LUC7L2: variants seen among roughly 807,000 people sequenced by gnomAD.
LUC7L2 encodes putative RNA-binding protein Luc7-like 2.
Under a neutral mutation model 52.8 loss-of-function variants are expected in LUC7L2, and 25 were observed. The observed-to-expected ratio is 0.47, with a 90% confidence interval of 0.34 to 0.66. The LOEUF (loss-of-function observed/expected upper bound fraction) is 0.66, where lower values mean the gene tolerates loss of function less well. LUC7L2 is among the 30% of genes least tolerant of loss of function. The pLI is 0.01. For synonymous variants in LUC7L2, 144 were observed against 160.9 expected (o/e 0.89, Z 0.80); for missense variants, 328 against 497.8 (o/e 0.66, Z 3.25).
intron 1 of LUC7L2, among the ~76,000 whole-genome samples, chr7:139,363,768 CTGTG>C (rs751116076): frequency 6.6e-6 from 1 of 152,060 alleles, no homozygotes; most frequent in Non-Finnish European, 1.5e-5. Flanking sequence ...TGAGAATTGT[CTGTG>C]TGACAGTTGG....
At chr7:139,364,347 C>T (rs1186840423) in intron 1 of LUC7L2, among the ~76,000 whole-genome samples, 3 of 151,910 alleles carry the variant, frequency 2.0e-5, no homozygotes, top group East Asian at 1.9e-4. Context: ...AGACCACCTT[C>T]GAAAGATTAA....
chr7:139,416,936 A>G (rs1795649271), intron 8 of LUC7L2: 1 of 152,376 alleles, frequency 6.6e-6, no homozygotes, highest in Non-Finnish European at 1.5e-5. Context: ...TCTAGATAAT[A>G]TAGCCCCTGG....
At chr7:139,371,387 C>A in intron 1 of LUC7L2, 1 of 1,015,168 alleles carries the variant, frequency 9.9e-7, no homozygotes, top group Non-Finnish European at 1.5e-6. Context: ...TTTTGCTTAG[C>A]CTTCACAGTT....
chr7:139,351,116 C>G (rs906225384), intron 1 of LUC7L2, among the ~76,000 whole-genome samples: 1 of 152,220 alleles, frequency 6.6e-6, no homozygotes, highest in African/African-American at 2.4e-5. Context: ...ATCACCTCCA[C>G]TTTCATGACT....
chr7:139,409,950 G>A (rs1795283481), intron 7 of LUC7L2, among the ~76,000 whole-genome samples: 1 of 152,212 alleles, frequency 6.6e-6, no homozygotes, highest in Admixed American at 6.5e-5. Flanking sequence ...GCTCACGCCT[G>A]TAATTCCAGC....
chr7:139,380,857 C>T (rs1800978303), intron 2 of LUC7L2, among the ~76,000 whole-genome samples: 1 of 152,104 alleles, frequency 6.6e-6, no homozygotes, highest in Non-Finnish European at 1.5e-5. Context: ...AAAATATTTC[C>T]ATCTAGTTCC....
In LUC7L2 at chr7:139,417,620, G is replaced by A; in HGVS notation, c.892G>A (p.Glu298Lys). 2 of 1,614,144 alleles carry A rather than the reference G, an allele frequency of 1.2e-6. No homozygotes were observed. Among genetic ancestry groups the A allele is most frequent in the South Asian group, 2.2e-5 (2 of 91,084 alleles). Reference protein sequence around the residue: ...RKRRTRSKSREKRHRHRSRSS... With the variant: ...RKRRTRSKSRKKRHRHRSRSS... Reference sequence around the variant, plus strand: ...GAGGAGAACTCGATCCAAATCTCGGGAGAAACGCCATCGCCACAGGTCCCG... The same window carrying A: ...GAGGAGAACTCGATCCAAATCTCGGAAGAAACGCCATCGCCACAGGTCCCG... The change falls in exon 9 of 10, where the codon GAG becomes AAG. Residue 298 changes from glutamate (E) to lysine (K), a missense_variant. Around this residue, in one of 2 missense-constraint regions of LUC7L2, gnomAD observed 195 missense variants for 223.3 expected, o/e 0.87. Coordinates refer to ENST00000354926, the MANE Select transcript of LUC7L2 (RefSeq NM_016019.5).
chr7:139,359,667 G>C (rs971858551), upstream of LUC7L2: 1 of 397,742 alleles, frequency 2.5e-6, no homozygotes, highest in African/African-American at 2.1e-5. Context: ...ACAGCCGGGA[G>C]GGAATGTAAT....
chr7:139,406,402 G>A (rs983691272), intron 5 of LUC7L2, among the ~76,000 whole-genome samples: 6 of 150,030 alleles, frequency 4.0e-5, no homozygotes, highest in African/African-American at 1.5e-4. Context: ...TCCAAGGCTG[G>A]AGTGTAGTGG....
intron 1 of LUC7L2, among the ~76,000 whole-genome samples, chr7:139,363,976 C>CTTTTTTTTTTTTTTTTTTTTTTTTTT (rs1169793101): frequency 3.1e-5 from 3 of 96,080 alleles, no homozygotes; most frequent in Admixed American, 1.1e-4. Flanking sequence ...AGATTACATC[C>CTTTTTTTTTTTTTTTTTTTTTTTTTT]TTTTTTTTTT....
chr7:139,407,196 C>A lies in LUC7L2; in HGVS notation c.533C>A (p.Pro178Gln). Reference protein sequence around the residue: ...EAEEVYRNSMPASSFQQQKLR... With the variant: ...EAEEVYRNSMQASSFQQQKLR... ...TAGGAAGTTTATCGGAATTCTATGC[C>A]AGCTTCCAGTTTTCAGCAGCAGAAA... is the stretch of plus-strand genomic sequence containing the variant. The change falls in exon 6 of 10, where the codon CCA (proline) becomes CAA (glutamine). Residue 178 changes from proline (P) to glutamine (Q), a missense_variant. Around this residue, in one of 2 missense-constraint regions of LUC7L2, gnomAD observed 133 missense variants for 274.4 expected, o/e 0.48. Transcript: ENST00000354926. 6.2e-7 allele frequency: 1 copy of A among 1,608,438 alleles called. No individual in the cohort carries two copies.
intron 7 of LUC7L2, among the ~76,000 whole-genome samples, chr7:139,411,176 A>G (rs1795345040): frequency 6.6e-6 from 1 of 152,238 alleles, no homozygotes; most frequent in Non-Finnish European, 1.5e-5. Flanking sequence ...ATGAAAAAGT[A>G]TATCACATCT....
chr7:139,400,433 C>T (rs754454890), intron 3 of LUC7L2, among the ~76,000 whole-genome samples: 3 of 152,116 alleles, frequency 2.0e-5, no homozygotes, highest in African/African-American at 4.8e-5. Context: ...CACTTGAACC[C>T]GGGAGTCAGG....
intron 1 of LUC7L2, chr7:139,374,284 T>C: frequency 1.3e-6 from 1 of 765,254 alleles, no homozygotes; most frequent in Non-Finnish European, 2.1e-6. Flanking sequence ...TTCACTTTTG[T>C]TTTTATATAA....
At chr7:139,366,231 A>G in intron 1 of LUC7L2, among the ~76,000 whole-genome samples, 1 of 152,244 alleles carries the variant, frequency 6.6e-6, no homozygotes. Flanking sequence ...TGAACCATGT[A>G]CAACTGATGT....
At chr7:139,405,515 G>GCT in intron 4 of LUC7L2, 129 bp from the exon 5 acceptor site, 1 of 1,192,980 alleles carries the variant, frequency 8.4e-7, no homozygotes, top group Admixed American at 3.1e-5. Flanking sequence ...TTTGGGATAC[G>GCT]CTCAGAAAGC....
At chr7:139,352,708 G>A (rs1383019201) in intron 1 of LUC7L2, among the ~76,000 whole-genome samples, 1 of 152,082 alleles carries the variant, frequency 6.6e-6, no homozygotes, top group Non-Finnish European at 1.5e-5. Context: ...TTCCTTGTCT[G>A]GTTAAGTGTT....
At chr7:139,351,250 G>A (rs1369406710) in intron 1 of LUC7L2, among the ~76,000 whole-genome samples, 1 of 152,162 alleles carries the variant, frequency 6.6e-6, no homozygotes, top group East Asian at 1.9e-4. Context: ...AATTCAATGT[G>A]TGCGAAATGG....
At chr7:139,343,486 G>C (rs1452749521) in intron 1 of LUC7L2, among the ~76,000 whole-genome samples, 1 of 152,164 alleles carries the variant, frequency 6.6e-6, no homozygotes, top group Non-Finnish European at 1.5e-5. Flanking sequence ...TGAGGTGAGA[G>C]GATCACTTGA....
Sources: allele counts gnomAD v4.1 joint callset (sites outside exome capture counted in the v4.1 genomes callset), GRCh38; gene constraint gnomAD v4.1.1; regional missense constraint gnomAD v4.1.1; transcripts MANE v1.5; gene names NCBI Gene and HGNC (gene_info 2026-07-23, HGNC 2026-07-21).